Variants in DGLUCY observed in about 807,000 individuals in gnomAD.
DGLUCY encodes D-glutamate cyclase, also known as D-glutamate cyclase, mitochondrial.
DGLUCY carries 58 observed loss-of-function variants against 58.5 expected under a neutral mutation model. That is an observed-to-expected ratio of 0.99 (90% CI 0.80 to 1.23). DGLUCY has a LOEUF of 1.23. DGLUCY is among the 50% of genes most tolerant of loss of function. DGLUCY has a pLI of 0.00. For missense variants in DGLUCY, 779 were observed against 784.7 expected (o/e 0.99, Z 0.09); for synonymous variants, 325 against 314.1 (o/e 1.03, Z -0.37).
rs765099287 is a variant in DGLUCY, at chr14:91,083,518, G to T, written c.-82+22814G>T. On this transcript the variant is annotated intron_variant, in intron 1 of 4. Coordinates refer to the DGLUCY transcript ENST00000521334. ...AGCCTGGGTGACAGAGAGAGATTCCGTCTCAAAAAAAAAAAAAAAAAACAG... is the reference window on the plus strand; with the variant it reads ...AGCCTGGGTGACAGAGAGAGATTCCTTCTCAAAAAAAAAAAAAAAAAACAG... Among the ~76,000 whole-genome samples the T allele has an allele frequency of 3.0e-3, 392 of 130,360 alleles. 1 individual carries two copies. Among genetic ancestry groups the T allele is most frequent in the Admixed American group, 6.3e-3 (78 of 12,422 alleles). 85.5% of individuals were successfully genotyped at this position (130,360 alleles called of 152,430 possible).
At chr14:91,174,910 A>G (rs989177302) in intron 6 of DGLUCY, among the ~76,000 whole-genome samples, 2 of 152,210 alleles carry the variant, frequency 1.3e-5, no homozygotes, top group South Asian at 2.1e-4. Flanking sequence ...AACCCCTACA[A>G]ATTTGGTCAC....
At chr14:91,175,707 T>G in intron 6 of DGLUCY, 28 of 421,914 alleles carry the variant, frequency 6.6e-5, no homozygotes, top group Non-Finnish European at 8.0e-5. Context: ...CCACACAGTT[T>G]GAGATTCTGT....
intron 1 of DGLUCY, among the ~76,000 whole-genome samples, chr14:91,086,026 T>A (rs2044211437): frequency 1.3e-5 from 2 of 152,200 alleles, no homozygotes; most frequent in Non-Finnish European, 2.9e-5. Flanking sequence ...CTCTGCCTCC[T>A]GTCAGCCCCA....
chr14:91,086,842 C>T lies in DGLUCY; in HGVS notation c.-82+26138C>T, dbSNP rs912816553. 9.2e-5 allele frequency among the ~76,000 whole-genome samples: 14 copies of T among 152,174 alleles called. 1 individual carries two copies. On this transcript the variant is annotated intron_variant, in intron 1 of 4. Transcript: ENST00000521334. The stretch of plus-strand genomic sequence containing the variant: ...GATCTCAGCTCACTGCAACCTCCAC[C>T]TCCGAGGCTTAAGCCATTCTCCTGC...
chr14:91,115,232 A>C (rs1595665046), intron 1 of DGLUCY: 1 of 152,422 alleles, frequency 6.6e-6, no homozygotes, highest in Non-Finnish European at 1.5e-5. Context: ...GTAACTGAGT[A>C]TGAGCTAAAA....
chr14:91,088,377 T>G (rs1378608824), intron 1 of DGLUCY, among the ~76,000 whole-genome samples: 1 of 152,166 alleles, frequency 6.6e-6, no homozygotes, highest in East Asian at 1.9e-4. Flanking sequence ...ATACTTTTCT[T>G]TCCTTCCTGG....
rs1157156439 is a variant in DGLUCY at position 91,224,855 on chromosome 14, A to G, written c.*22A>G. ...GTAACCGTCCATGTTCCGTGTGAGC[A>G]GAGTCCCTACCAACGGGCAGGTCTG... On this transcript the variant is annotated 3_prime_UTR_variant, in exon 14 of 14. Coordinates refer to ENST00000256324, the MANE Select transcript of DGLUCY (RefSeq NM_001102368.3). 2 of 1,581,082 alleles carry G rather than the reference A, an allele frequency of 1.3e-6. No individual in the cohort carries two copies. The highest frequency in any genetic ancestry group is 2.7e-5 in the African/African-American group (2 of 74,256).
intron 1 of DGLUCY, among the ~76,000 whole-genome samples, chr14:91,154,767 A>G (rs1026456237): frequency 2.0e-5 from 3 of 152,266 alleles, no homozygotes; most frequent in African/African-American, 2.4e-5. Flanking sequence ...CTGCAGCCCT[A>G]CTAGCTTCCT....
At chr14:91,142,831 T>G (rs1191457295) in intron 1 of DGLUCY, among the ~76,000 whole-genome samples, 1 of 108,384 alleles carries the variant, frequency 9.2e-6, no homozygotes, top group East Asian at 2.9e-4. Context: ...CAACACACCA[T>G]CTCTACTAAA....
At chr14:91,132,960 G>C (rs923080421) in intron 1 of DGLUCY, among the ~76,000 whole-genome samples, 1 of 151,928 alleles carries the variant, frequency 6.6e-6, no homozygotes, top group Non-Finnish European at 1.5e-5. Context: ...TGTCTTTCAT[G>C]TCTCCAAGGT....
At chr14:91,105,826 C>T (rs182454682), upstream of DGLUCY, among the ~76,000 whole-genome samples, 198 of 152,304 alleles carry the variant, frequency 1.3e-3, no homozygotes, top group African/African-American at 4.3e-3. Flanking sequence ...TGTGCTTACA[C>T]AAACCTGGGT....
chr14:91,122,320 A>AT (rs900609834), intron 1 of DGLUCY, among the ~76,000 whole-genome samples: 8 of 151,792 alleles, frequency 5.3e-5, no homozygotes, highest in Non-Finnish European at 1.0e-4. Context: ...TGCCCAGCTA[A>AT]TTTTTTATTT....
upstream of DGLUCY, among the ~76,000 whole-genome samples, chr14:91,113,727 C>G (rs1279640270): frequency 6.6e-6 from 1 of 152,206 alleles, no homozygotes; most frequent in African/African-American, 2.4e-5. Context: ...CAAGCCTGCA[C>G]TTTCACAGGA....
At chr14:91,132,339 A>C (rs565847730) in intron 1 of DGLUCY, among the ~76,000 whole-genome samples, 1 of 152,264 alleles carries the variant, frequency 6.6e-6, no homozygotes, top group South Asian at 2.1e-4. Flanking sequence ...TAAAGGTGGG[A>C]GGATCACTTG....
chr14:91,170,772 G>T (rs575230466), intron 5 of DGLUCY, among the ~76,000 whole-genome samples: 3 of 152,170 alleles, frequency 2.0e-5, no homozygotes, highest in Non-Finnish European at 4.4e-5. Context: ...TGGTTCCACA[G>T]ACCCTTCCTG....
chr14:91,129,298 C>T (rs2045896934), intron 1 of DGLUCY, among the ~76,000 whole-genome samples: 1 of 152,160 alleles, frequency 6.6e-6, no homozygotes, highest in Admixed American at 6.6e-5. Context: ...TCTCCCCAGT[C>T]ATGTGCTCTC....
At chr14:91,145,393 C>G (rs1351440058) in intron 1 of DGLUCY, 1 of 152,262 alleles carries the variant, frequency 6.6e-6, no homozygotes, top group Non-Finnish European at 1.5e-5. Flanking sequence ...GCTGATGACC[C>G]TTCTGCATGG....
In DGLUCY at chr14:91,074,022, G is replaced by GAGGTGGGCAGATTGCTCCC. The variant is rs537433387; in HGVS notation, c.-82+13334_-82+13335insCCCAGGTGGGCAGATTGCT. ...TATAATCCCAGCACCTTGGGAAGTAGAGGTGGGCAGATTGCTTGATCCCAG... is the reference window on the plus strand; with the variant it reads ...TATAATCCCAGCACCTTGGGAAGTAGAGGTGGGCAGATTGCTCCCAGGTGGGCAGATTGCTTGATCCCAG... On this transcript the variant is annotated intron_variant, in intron 1 of 4. Coordinates refer to the DGLUCY transcript ENST00000521334. Among the ~76,000 whole-genome samples, 831 of 149,954 alleles carry GAGGTGGGCAGATTGCTCCC rather than the reference G, an allele frequency of 5.5e-3. 4 individuals carry two copies. Among genetic ancestry groups the GAGGTGGGCAGATTGCTCCC allele is most frequent in the Admixed American group, 0.013 (193 of 14,954 alleles).
chr14:91,192,960 A>C (rs1472283057), intron 9 of DGLUCY, among the ~76,000 whole-genome samples: 2 of 152,236 alleles, frequency 1.3e-5, no homozygotes, highest in Non-Finnish European at 2.9e-5. Context: ...ATATATAAAG[A>C]GTTCAGGAGA....
Sources: allele counts gnomAD v4.1 joint callset (sites outside exome capture counted in the v4.1 genomes callset), GRCh38; gene constraint gnomAD v4.1.1; transcripts MANE v1.5; gene names NCBI Gene and HGNC (gene_info 2026-07-23, HGNC 2026-07-21).